The following CNTNAP2 variants were observed in gnomAD, a reference collection of about 807,000 sequenced individuals.
The protein encoded by CNTNAP2 is contactin-associated protein-like 2.
CNTNAP2 carries 98 observed loss-of-function variants against 155.2 expected under a neutral mutation model. The ratio of observed to expected loss-of-function variants is 0.63; its 90% confidence interval spans 0.54 to 0.75. CNTNAP2 has a LOEUF of 0.75. CNTNAP2 is among the 30% of genes least tolerant of loss of function. The pLI is 0.00. For synonymous variants in CNTNAP2, 651 were observed against 631.2 expected (o/e 1.03, Z -0.47); for missense variants, 1,727 against 1,688.1 (o/e 1.02, Z -0.40).
At chr7:146,682,241 A>T (rs1687186593) in intron 1 of CNTNAP2, among the ~76,000 whole-genome samples, 1 of 152,034 alleles carries the variant, frequency 6.6e-6, no homozygotes. Context: ...GTATATGTAT[A>T]TATATATATT....
intron 15 of CNTNAP2, among the ~76,000 whole-genome samples, chr7:148,116,905 C>T (rs940566096): frequency 5.9e-5 from 9 of 152,130 alleles, no homozygotes; most frequent in Non-Finnish European, 1.2e-4. Flanking sequence ...AAAAAGCATA[C>T]ATTTGGAGTT....
At chr7:147,254,405 G>A (rs1363007882) in intron 8 of CNTNAP2, among the ~76,000 whole-genome samples, 1 of 152,112 alleles carries the variant, frequency 6.6e-6, no homozygotes, top group Non-Finnish European at 1.5e-5. Flanking sequence ...CCAAGTACTA[G>A]TATAAAAATA....
At position 147,273,783 on chromosome 7, in the gene CNTNAP2, C is replaced by G. The variant is rs528836161; in HGVS notation, c.1349-26358C>G. ...ATATTTTATACATATATATTTATAT[C>G]TATTTTATATATATTTTTATATCTA... is the stretch of plus-strand genomic sequence containing the variant. On this transcript the variant is annotated intron_variant, in intron 8 of 23. Transcript: ENST00000361727. Among the ~76,000 whole-genome samples, 10 of 142,526 alleles carry G rather than the reference C, an allele frequency of 7.0e-5. No homozygotes were observed. The South Asian group carries it at 1.9e-3, about 28-fold the overall frequency. The allele number at this position is 142,526 out of a possible 152,430, so 93.5% of individuals were successfully genotyped here.
chr7:146,765,445 T>C (rs1343477031), intron 1 of CNTNAP2, among the ~76,000 whole-genome samples: 1 of 152,202 alleles, frequency 6.6e-6, no homozygotes, highest in African/African-American at 2.4e-5. Flanking sequence ...TACATCTCAA[T>C]AGTCAAAACT....
intron 1 of CNTNAP2, among the ~76,000 whole-genome samples, chr7:146,292,213 C>T (rs73459958): frequency 0.022 from 3,324 of 152,082 alleles, 145 homozygotes; most frequent in African/African-American, 0.076. Context: ...CTGTTGTTCC[C>T]CTCCCTTTGT....
Position 148,382,460 on chromosome 7 carries a change from T to C in CNTNAP2, c.3476-1189T>C, listed in dbSNP as rs767254371. On this transcript the variant is annotated intron_variant, in intron 21 of 23. Coordinates refer to ENST00000361727, the MANE Select transcript of CNTNAP2 (RefSeq NM_014141.6). ...CTGCCCTCCTCAAAGTTGCGAAAAC[T>C]GTCAGGGACCCTATGAAATGGAGCG... Among the ~76,000 whole-genome samples, 8 of 150,574 alleles carry C rather than the reference T, an allele frequency of 5.3e-5. No homozygotes were observed. The East Asian group carries it at 5.9e-4, about 11-fold the overall frequency.
chr7:146,754,209 C>T (rs974599457), intron 1 of CNTNAP2, among the ~76,000 whole-genome samples: 1 of 151,970 alleles, frequency 6.6e-6, no homozygotes, highest in Non-Finnish European at 1.5e-5. Context: ...TACTCAAATG[C>T]TATTTCTTCC....
intron 4 of CNTNAP2, among the ~76,000 whole-genome samples, chr7:147,059,937 A>C (rs1799631097): frequency 6.6e-6 from 1 of 152,114 alleles, no homozygotes; most frequent in African/African-American, 2.4e-5. Context: ...CTATAATTAT[A>C]GTTTGTATCC....
At position 147,788,535 on chromosome 7, in the gene CNTNAP2, A is replaced by T. The variant is rs77357998; in HGVS notation, c.2099-115030A>T. The stretch of plus-strand genomic sequence containing the variant: ...GCTCTTTGTTGCTCAAAGTCATGCC[A>T]GAATATCTTCACTGTTAATGGCACT... On this transcript the variant is annotated intron_variant, in intron 13 of 23. Coordinates refer to ENST00000361727, the MANE Select transcript of CNTNAP2 (RefSeq NM_014141.6). 4.8e-3 allele frequency among the ~76,000 whole-genome samples: 725 copies of T among 152,328 alleles called. 3 individuals are homozygous for T. Among genetic ancestry groups the T allele is most frequent in the African/African-American group, 0.016 (682 of 41,576 alleles).
chr7:146,785,741 G>A (rs1379448537), intron 2 of CNTNAP2, among the ~76,000 whole-genome samples: 1 of 152,186 alleles, frequency 6.6e-6, no homozygotes, highest in East Asian at 1.9e-4. Context: ...AATATTCAGA[G>A]TCATTAGAGA....
chr7:146,286,249 A>AG (rs1180351072), intron 1 of CNTNAP2, among the ~76,000 whole-genome samples: 5 of 151,512 alleles, frequency 3.3e-5, no homozygotes, highest in Middle Eastern at 3.4e-3. Flanking sequence ...TCTGAGTCTT[A>AG]GTTCCTTCCT....
intron 9 of CNTNAP2, among the ~76,000 whole-genome samples, chr7:147,337,807 C>A (rs781317011): frequency 6.6e-6 from 1 of 152,112 alleles, no homozygotes; most frequent in Non-Finnish European, 1.5e-5. Context: ...TGCAGGGTGG[C>A]TCCAATTAGT....
chr7:146,391,133 A>G (rs1222288682), intron 1 of CNTNAP2, among the ~76,000 whole-genome samples: 1 of 147,892 alleles, frequency 6.8e-6, no homozygotes, highest in Non-Finnish European at 1.5e-5. Flanking sequence ...TATATTTATT[A>G]TATATTTTAT....
At chr7:147,446,123 CTTTTT>C (rs35712483) in intron 10 of CNTNAP2, among the ~76,000 whole-genome samples, 4 of 139,912 alleles carry the variant, frequency 2.9e-5, no homozygotes, top group Non-Finnish European at 3.1e-5. Flanking sequence ...TTGTTTCTTT[CTTTTT>C]TTTTTTTTTT....
chr7:146,602,035 A>C (rs939316818), intron 1 of CNTNAP2, among the ~76,000 whole-genome samples: 2 of 152,194 alleles, frequency 1.3e-5, no homozygotes, highest in Non-Finnish European at 2.9e-5. Flanking sequence ...AGGTAAAGAC[A>C]AATGTTTTAT....
intron 13 of CNTNAP2, among the ~76,000 whole-genome samples, chr7:147,760,660 G>A (rs73458209): frequency 0.017 from 2,651 of 152,252 alleles, 50 homozygotes; most frequent in African/African-American, 0.055. Flanking sequence ...CTTTGAGGCT[G>A]AATCTCAAGG....
chr7:146,744,630 C>T (rs1801779296), intron 1 of CNTNAP2, among the ~76,000 whole-genome samples: 1 of 152,180 alleles, frequency 6.6e-6, no homozygotes, highest in African/African-American at 2.4e-5. Context: ...AACTTTCTCC[C>T]TCTGTTTAAT....
intron 1 of CNTNAP2, among the ~76,000 whole-genome samples, chr7:146,599,954 A>T (rs1317056769): frequency 6.6e-6 from 1 of 152,088 alleles, no homozygotes; most frequent in African/African-American, 2.4e-5. Context: ...ATTTCCCGTT[A>T]ATTTCCGTTA....
chr7:148,147,673 C>T lies in CNTNAP2; in HGVS notation c.2737C>T (p.His913Tyr). The change falls in exon 17 of 24, where the codon CAC (histidine) becomes TAC (tyrosine). Residue 913 changes from histidine to tyrosine, a missense_variant. Physicochemically the swap from His to Tyr is moderately conservative, Grantham distance 83 (BLOSUM62 2). Coordinates refer to ENST00000361727, the MANE Select transcript of CNTNAP2 (RefSeq NM_014141.6). ...QQIRKAPTEG[H>Y]TRLELYSQLF... ...GATCCGCAAGGCCCCAACAGAAGGC[C>T]ACACCCGCCTGGAGCTCTACAGCCA... is the stretch of plus-strand genomic sequence containing the variant. The T allele has an allele frequency of 6.2e-7, 1 of 1,613,854 alleles. No individual in the cohort carries two copies. Among genetic ancestry groups the T allele is most frequent in the Non-Finnish European group, 8.5e-7 (1 of 1,180,012 alleles).
Sources: gnomAD v4.1 joint callset for allele counts (sites outside exome capture counted in the v4.1 genomes callset) on GRCh38, gnomAD v4.1.1 for gene constraint, MANE v1.5 for transcripts, NCBI Gene and HGNC (gene_info 2026-07-23, HGNC 2026-07-21) for gene names.